The following EXOC4 variants were observed in gnomAD, a reference collection of about 807,000 sequenced individuals.
EXOC4 encodes the protein exocyst complex component 4, also known as SEC8-like 1.
In EXOC4, 71 loss-of-function variants were observed where a neutral mutation model predicts 107.2. The observed-to-expected ratio is 0.66, with a 90% CI of 0.55 to 0.81. The LOEUF (loss-of-function observed/expected upper bound fraction) is 0.81, where lower values mean the gene tolerates loss of function less well. EXOC4 is among the 30% of genes least tolerant of loss of function. The pLI is 0.00. For synonymous variants in EXOC4, 456 were observed against 441.2 expected, an observed-to-expected ratio of 1.03 and a Z score of -0.42; for missense variants, 1,108 against 1,189.6, an observed-to-expected ratio of 0.93 and a Z score of 1.01.
intron 9 of EXOC4, among the ~76,000 whole-genome samples, chr7:133,500,064 A>G (rs1461227743): frequency 6.6e-6 from 1 of 152,176 alleles, no homozygotes; most frequent in Non-Finnish European, 1.5e-5. Context: ...AATAAAGGAC[A>G]AAGATGTTAC....
intron 9 of EXOC4, among the ~76,000 whole-genome samples, chr7:133,506,055 T>C (rs1177049564): frequency 1.3e-5 from 2 of 152,178 alleles, no homozygotes; most frequent in East Asian, 3.8e-4. Context: ...AAATGAGAGA[T>C]ACGCTGGAAA....
chr7:133,402,741 C>T lies in EXOC4; in HGVS notation c.1182+27739C>T, dbSNP rs188636232. Among the ~76,000 whole-genome samples the T allele has an allele frequency of 2.1e-3, 312 of 152,160 alleles. 1 individual carries two copies. The highest frequency in any genetic ancestry group is 7.0e-3 in the African/African-American group (289 of 41,524). On this transcript the variant is annotated intron_variant, in intron 7 of 17. Coordinates refer to ENST00000253861, the MANE Select transcript of EXOC4 (RefSeq NM_021807.4). ...CTGTTCTTGAACTCGTGACCTCAAG[C>T]GATCCACCTGCCTTGGTCTCCCAAA...
chr7:134,082,221 G>T, the EXOC4 span, among the ~76,000 whole-genome samples: 1 of 152,112 alleles, frequency 6.6e-6, no homozygotes, highest in East Asian at 1.9e-4. Flanking sequence ...GCTAAACAAC[G>T]GGTAGATTAT....
intron 14 of EXOC4, among the ~76,000 whole-genome samples, chr7:133,954,372 T>C (rs1273974040): frequency 6.6e-6 from 1 of 152,216 alleles, no homozygotes; most frequent in Non-Finnish European, 1.5e-5. Context: ...CCTTGAAATA[T>C]TAGCTAATAC....
intron 10 of EXOC4, among the ~76,000 whole-genome samples, chr7:133,682,907 T>C (rs1794218130): frequency 6.6e-6 from 1 of 152,208 alleles, no homozygotes; most frequent in Non-Finnish European, 1.5e-5. Context: ...AGTGCAGACA[T>C]GGCAAAGGGA....
chr7:133,460,219 C>T (rs1401658508), intron 7 of EXOC4, among the ~76,000 whole-genome samples: 2 of 152,184 alleles, frequency 1.3e-5, no homozygotes, highest in Non-Finnish European at 2.9e-5. Flanking sequence ...GTGCAGTTCA[C>T]AGTAGGGTTC....
intron 5 of EXOC4, among the ~76,000 whole-genome samples, chr7:133,355,794 A>T (rs557428799): frequency 6.6e-6 from 1 of 152,062 alleles, no homozygotes; most frequent in Non-Finnish European, 1.5e-5. Context: ...TCGTTACCCT[A>T]TTTCCTCAAA....
rs561316537 is a variant in EXOC4, at chr7:133,954,737, C to T, written c.2206+16668C>T. 6.6e-5 allele frequency among the ~76,000 whole-genome samples: 10 copies of T among 152,322 alleles called. No individual in the cohort carries two copies. In the East Asian group the frequency reaches 9.7e-4, roughly 15 times the overall value. Reference sequence around the variant, plus strand: ...CTTGGCTTGGCTTGGCTTGTGCTACCGGCCTGGATCCCATGCCTGTCAAGG... The same window carrying T: ...CTTGGCTTGGCTTGGCTTGTGCTACTGGCCTGGATCCCATGCCTGTCAAGG... On this transcript the variant is annotated intron_variant, in intron 14 of 17. Coordinates refer to ENST00000253861, the MANE Select transcript of EXOC4 (RefSeq NM_021807.4).
At chr7:134,028,541 A>G (rs1795196892) in intron 17 of EXOC4, among the ~76,000 whole-genome samples, 1 of 152,232 alleles carries the variant, frequency 6.6e-6, no homozygotes, top group South Asian at 2.1e-4. Context: ...AGTCTTTGGA[A>G]GAAGGCATGG....
intron 10 of EXOC4, among the ~76,000 whole-genome samples, chr7:133,698,371 A>G (rs1166426717): frequency 6.6e-6 from 1 of 152,030 alleles, no homozygotes; most frequent in Admixed American, 6.6e-5. Flanking sequence ...AGGCTGAGGC[A>G]GGATGATCGC....
At chr7:133,490,529 A>G (rs952359260) in intron 9 of EXOC4, among the ~76,000 whole-genome samples, 3 of 152,214 alleles carry the variant, frequency 2.0e-5, no homozygotes, top group African/African-American at 7.2e-5. Context: ...GGGTAAATGT[A>G]TGAAAGTATG....
chr7:133,411,351 C>T (rs1214949554), intron 7 of EXOC4, among the ~76,000 whole-genome samples: 1 of 152,066 alleles, frequency 6.6e-6, no homozygotes, highest in African/African-American at 2.4e-5. Flanking sequence ...GAAGTTGAAG[C>T]ATCTTTGTAT....
At chr7:133,813,849 C>T (rs1344801848) in intron 10 of EXOC4, among the ~76,000 whole-genome samples, 1 of 152,052 alleles carries the variant, frequency 6.6e-6, no homozygotes, top group Non-Finnish European at 1.5e-5. Context: ...TCTTCATCCC[C>T]CCACCACACA....
the EXOC4 span, among the ~76,000 whole-genome samples, chr7:134,099,469 T>TC: frequency 6.7e-6 from 1 of 149,206 alleles, no homozygotes; most frequent in African/African-American, 2.5e-5. Context: ...GCCTTCTAGT[T>TC]CCCCCCAGTG....
chr7:133,311,635 TA>T (rs1312997644), intron 4 of EXOC4, among the ~76,000 whole-genome samples: 1 of 152,032 alleles, frequency 6.6e-6, no homozygotes, highest in African/African-American at 2.4e-5. Context: ...TCAGAAGACA[TA>T]AAGAAATATA....
chr7:133,648,540 G>A (rs796136403), intron 10 of EXOC4, among the ~76,000 whole-genome samples: 3 of 152,186 alleles, frequency 2.0e-5, no homozygotes, highest in African/African-American at 4.8e-5. Context: ...CCCAATGTAC[G>A]ATATATTCCT....
intron 4 of EXOC4, among the ~76,000 whole-genome samples, chr7:133,307,982 T>C (rs1022854151): frequency 2.6e-4 from 39 of 151,842 alleles, no homozygotes; most frequent in Non-Finnish European, 1.5e-4. Flanking sequence ...AAGAACAGAG[T>C]GAGGAGAGAT....
At chr7:133,893,591 T>G (rs1362534057) in intron 11 of EXOC4, among the ~76,000 whole-genome samples, 1 of 73,472 alleles carries the variant, frequency 1.4e-5, no homozygotes, top group Admixed American at 1.1e-4. Context: ...TGTTTAGTGC[T>G]TCCTTCAGGA....
At chr7:133,904,436 A>G (rs561558800) in intron 12 of EXOC4, among the ~76,000 whole-genome samples, 1 of 152,256 alleles carries the variant, frequency 6.6e-6, no homozygotes, top group South Asian at 2.1e-4. Flanking sequence ...AGCAAACTCT[A>G]TCTCTCTTGG....
Sources: gnomAD v4.1 joint callset for allele counts (sites outside exome capture counted in the v4.1 genomes callset) on GRCh38, gnomAD v4.1.1 for gene constraint, MANE v1.5 for transcripts, NCBI Gene and HGNC (gene_info 2026-07-23, HGNC 2026-07-21) for gene names.